Variants in CNTNAP5 observed in about 807,000 individuals in gnomAD.
CNTNAP5 encodes the protein contactin associated protein family member 5, also known as contactin-associated protein-like 5.
A neutral mutation model predicts 150.2 loss-of-function variants in CNTNAP5; 72 were observed. The ratio of observed to expected loss-of-function variants is 0.48; its 90% CI spans 0.40 to 0.58. CNTNAP5 has a LOEUF of 0.58. Among genes scored for constraint, CNTNAP5 ranks in the 20% least tolerant of loss-of-function variants. The pLI is 0.00. For synonymous variants in CNTNAP5, 672 were observed against 619.8 expected (o/e 1.08, Z -1.25); for missense variants, 1,636 against 1,626.2 (o/e 1.01, Z -0.10).
rs70999224 is a variant in CNTNAP5 at position 124,855,167 on chromosome 2, C to CTTTTTTTTTTTTTTTTTTTT, written c.3218-10129_3218-10110dup. Among the ~76,000 whole-genome samples, 2 of 71,434 alleles carry CTTTTTTTTTTTTTTTTTTTT rather than the reference C, an allele frequency of 2.8e-5. 1 individual carries two copies. Among genetic ancestry groups the CTTTTTTTTTTTTTTTTTTTT allele is most frequent in the Non-Finnish European group, 5.6e-5 (2 of 35,950 alleles). 46.9% of individuals were successfully genotyped at this position (71,434 alleles called of 152,430 possible). A position where few individuals can be genotyped will look rare whatever the true frequency, so the allele number is the denominator to read the frequency against. ...AGAATTAGAAAGCCTTGGGCTTTTG[C>CTTTTTTTTTTTTTTTTTTTT]TTTTTTTTTTTTTTTTTTTTTTTTT... On this transcript the variant is annotated intron_variant, in intron 19 of 23. Transcript: ENST00000682447.
In CNTNAP5 at chr2:124,361,283, T is replaced by A. The variant is rs1230006635; in HGVS notation, c.382-56160T>A. On this transcript the variant is annotated intron_variant, in intron 3 of 23. Transcript: ENST00000682447. Reference sequence around the variant, plus strand: ...CCTCCCATAGCTCAGAGTAATTTGATCATCTGAAGCCTCCTTCTCTCAGCT... The same window carrying A: ...CCTCCCATAGCTCAGAGTAATTTGAACATCTGAAGCCTCCTTCTCTCAGCT... Among the ~76,000 whole-genome samples, 2 of 144,514 alleles carry A rather than the reference T, an allele frequency of 1.4e-5. 1 individual carries two copies. Among genetic ancestry groups the A allele is most frequent in the Admixed American group, 1.4e-4 (2 of 14,196 alleles). The allele number at this position is 144,514 out of a possible 152,430, so 94.8% of individuals were successfully genotyped here. A position where few individuals can be genotyped will look rare whatever the true frequency, so the allele number is the denominator to read the frequency against.
At chr2:124,123,995 C>T (rs962560497) in intron 1 of CNTNAP5, among the ~76,000 whole-genome samples, 1 of 152,130 alleles carries the variant, frequency 6.6e-6, no homozygotes, top group African/African-American at 2.4e-5. Flanking sequence ...AATCAGAGCA[C>T]CTCTCCTCCT....
At chr2:124,266,606 C>A (rs1037216017) in intron 3 of CNTNAP5, among the ~76,000 whole-genome samples, 1 of 152,180 alleles carries the variant, frequency 6.6e-6, no homozygotes, top group Non-Finnish European at 1.5e-5. Context: ...GCCTCCCATG[C>A]AGGAGGAGTA....
At chr2:124,756,731 T>C (rs893018265) in intron 14 of CNTNAP5, among the ~76,000 whole-genome samples, 1 of 151,868 alleles carries the variant, frequency 6.6e-6, no homozygotes, top group African/African-American at 2.4e-5. Context: ...CATGAACATA[T>C]CGGGGTGGGG....
chr2:124,430,230 G>A (rs574211231), intron 4 of CNTNAP5, among the ~76,000 whole-genome samples: 5 of 152,284 alleles, frequency 3.3e-5, no homozygotes, highest in African/African-American at 9.6e-5. Context: ...TGGACTCAGC[G>A]TGGGTGGGTC....
At chr2:124,327,453 G>T (rs1689247433) in intron 3 of CNTNAP5, among the ~76,000 whole-genome samples, 1 of 152,084 alleles carries the variant, frequency 6.6e-6, no homozygotes, top group Admixed American at 6.5e-5. Context: ...GGCCATGATG[G>T]AAGTGGGGTT....
intron 19 of CNTNAP5, among the ~76,000 whole-genome samples, chr2:124,828,668 A>G (rs1682648719): frequency 6.8e-6 from 1 of 147,670 alleles, no homozygotes; most frequent in South Asian, 2.2e-4. Context: ...AGTATAAGGC[A>G]AATATTTGCT....
chr2:124,502,960 A>G (rs1694311161), intron 7 of CNTNAP5, among the ~76,000 whole-genome samples: 1 of 152,200 alleles, frequency 6.6e-6, no homozygotes, highest in Non-Finnish European at 1.5e-5. Flanking sequence ...TAAATGAAGA[A>G]AATAATACAT....
In CNTNAP5 at chr2:124,301,836, C is replaced by T. The variant is rs140174422; in HGVS notation, c.381+59443C>T. Among the ~76,000 whole-genome samples the T allele has an allele frequency of 3.8e-3, 572 of 152,258 alleles. 4 individuals are homozygous for T. The highest frequency in any genetic ancestry group is 0.013 in the African/African-American group (535 of 41,554). ...GACACTCACCACAGGTGACTCCTTA[C>T]GGGAAAATGTCACTGAAGTACTGTT... On this transcript the variant is annotated intron_variant, in intron 3 of 23. Transcript: ENST00000682447.
intron 20 of CNTNAP5, among the ~76,000 whole-genome samples, chr2:124,868,858 C>A (rs1463140077): frequency 6.6e-6 from 1 of 152,084 alleles, no homozygotes; most frequent in African/African-American, 2.4e-5. Flanking sequence ...ATAATGAGGA[C>A]TCTTTCTGGG....
intron 10 of CNTNAP5, among the ~76,000 whole-genome samples, chr2:124,551,365 T>C (rs1209635262): frequency 6.6e-6 from 1 of 152,138 alleles, no homozygotes; most frequent in Non-Finnish European, 1.5e-5. Flanking sequence ...TAAATTATAA[T>C]GGAGATCCAA....
intron 14 of CNTNAP5, among the ~76,000 whole-genome samples, chr2:124,761,961 T>C (rs1402618106): frequency 2.0e-5 from 3 of 152,024 alleles, no homozygotes; most frequent in African/African-American, 7.2e-5. Context: ...CTTTAGAAAC[T>C]ACCATTTTCA....
At chr2:124,327,910 C>T (rs1689260577) in intron 3 of CNTNAP5, among the ~76,000 whole-genome samples, 1 of 152,082 alleles carries the variant, frequency 6.6e-6, no homozygotes, top group Admixed American at 6.5e-5. Context: ...ATAAACTTTC[C>T]AAATTGGTTG....
In CNTNAP5 at chr2:124,338,692, GA is replaced by G. The variant is rs537656621; in HGVS notation, c.382-78750del. On this transcript the variant is annotated intron_variant, in intron 3 of 23. Coordinates refer to ENST00000682447, the MANE Select transcript of CNTNAP5 (RefSeq NM_001367498.1). ...TCCTCAGTCAGATAAGGGAACTTCA[GA>G]GAGAGCCCTTCTCTGCCATTGGAGG... 3.4e-4 allele frequency among the ~76,000 whole-genome samples: 52 copies of G among 152,220 alleles called. No homozygotes were observed. In the East Asian group the frequency reaches 9.3e-3, roughly 27 times the overall value.
At chr2:124,556,961 T>G (rs1167792849) in intron 10 of CNTNAP5, among the ~76,000 whole-genome samples, 1 of 151,488 alleles carries the variant, frequency 6.6e-6, no homozygotes, top group African/African-American at 2.4e-5. Context: ...CTATCAAAAT[T>G]GTACAAAGAT....
chr2:124,056,362 C>A (rs1336797366), intron 1 of CNTNAP5, among the ~76,000 whole-genome samples: 1 of 152,220 alleles, frequency 6.6e-6, no homozygotes, highest in African/African-American at 2.4e-5. Context: ...CGGTGGCTCA[C>A]GCCTGTAATC....
chr2:124,547,791 A>G (rs1231973003), intron 10 of CNTNAP5, among the ~76,000 whole-genome samples: 1 of 152,160 alleles, frequency 6.6e-6, no homozygotes, highest in Non-Finnish European at 1.5e-5. Context: ...AATTCCTGCC[A>G]CGGGAGGAAG....
chr2:124,220,198 A>C (rs779573669), intron 1 of CNTNAP5, among the ~76,000 whole-genome samples: 23 of 152,108 alleles, frequency 1.5e-4, no homozygotes, highest in Admixed American at 3.9e-4. Flanking sequence ...ACTACCATGA[A>C]GTTTACCTTC....
At chr2:124,809,199 T>A (rs1158859472) in intron 19 of CNTNAP5, among the ~76,000 whole-genome samples, 2 of 152,048 alleles carry the variant, frequency 1.3e-5, no homozygotes, top group African/African-American at 2.4e-5. Context: ...GTCATAAGTG[T>A]GAACAAATAA....
Sources: allele counts gnomAD v4.1 joint callset (sites outside exome capture counted in the v4.1 genomes callset), GRCh38; gene constraint gnomAD v4.1.1; transcripts MANE v1.5; gene names NCBI Gene and HGNC (gene_info 2026-07-23, HGNC 2026-07-21).